Variants in DCX observed in about 807,000 individuals in gnomAD.
The protein encoded by DCX is neuronal migration protein doublecortin.
A neutral mutation model predicts 20.9 loss-of-function variants in DCX; 4 were observed. That is an observed-to-expected ratio of 0.19 (90% confidence interval 0.09 to 0.44). DCX has a LOEUF of 0.44. Among genes scored for constraint, DCX ranks in the 20% least tolerant of loss-of-function variants. The pLI is 0.99. For synonymous variants in DCX, 103 were observed against 111.4 expected, an observed-to-expected ratio of 0.92 and a Z score of 0.47; for missense variants, 133 against 296.9, an observed-to-expected ratio of 0.45 and a Z score of 4.06.
intron 3 of DCX, among the ~76,000 whole-genome samples, chrX:111,385,754 A>G (rs867218166): frequency 1.3e-4 from 11 of 85,770 alleles, no homozygotes; most frequent in Middle Eastern, 6.2e-3. Context: ...AGGGAGAAAG[A>G]GAGAGGGAGG....
At chrX:111,363,200 GA>G (rs1166194170) in intron 3 of DCX, among the ~76,000 whole-genome samples, 1 of 111,055 alleles carries the variant, frequency 9.0e-6, no homozygotes, top group African/African-American at 3.3e-5. Context: ...CTAAGGGACA[GA>G]AAGCCCTGCC....
chrX:111,361,025 C>G (rs776607675), intron 3 of DCX, among the ~76,000 whole-genome samples: 1 of 111,526 alleles, frequency 9.0e-6, no homozygotes, highest in African/African-American at 3.3e-5. Context: ...CCACTAGGTG[C>G]CAGTAGCGAC....
intron 3 of DCX, among the ~76,000 whole-genome samples, chrX:111,349,323 T>C (rs1426549941): frequency 9.0e-6 from 1 of 111,388 alleles, no homozygotes; most frequent in African/African-American, 3.3e-5. Context: ...GTACCCCCCT[T>C]CCCAGGCTTC....
chrX:111,335,928 C>T (rs1439414755), intron 3 of DCX, among the ~76,000 whole-genome samples: 4 of 108,921 alleles, frequency 3.7e-5, no homozygotes, highest in Non-Finnish European at 7.6e-5. Flanking sequence ...CACTCCAGCC[C>T]GGCAACAGAG....
intron 2 of DCX, among the ~76,000 whole-genome samples, chrX:111,409,531 C>A (rs944230676): frequency 8.9e-6 from 1 of 111,849 alleles, no homozygotes; most frequent in Non-Finnish European, 1.9e-5. Context: ...AGCTGAGCCG[C>A]GACCACTTAC....
At chrX:111,409,940 A>G (rs1401326563) in intron 2 of DCX, 95 bp downstream of exon 2, 1 of 1,133,548 alleles carries the variant, frequency 8.8e-7, no homozygotes, top group African/African-American at 1.8e-5. Context: ...TTTGAAAAAT[A>G]CATTGCCTAA....
intron 3 of DCX, among the ~76,000 whole-genome samples, chrX:111,373,390 T>A (rs1160715186): frequency 8.9e-6 from 1 of 112,302 alleles, no homozygotes; most frequent in African/African-American, 3.2e-5. Flanking sequence ...CATCAATAAC[T>A]GGCTCAGTCT....
intron 3 of DCX, among the ~76,000 whole-genome samples, chrX:111,380,802 G>T (rs1925908252): frequency 9.0e-6 from 1 of 110,548 alleles, no homozygotes; most frequent in South Asian, 3.8e-4. Flanking sequence ...TATAATATCA[G>T]CCTGGTTCTC....
Position 111,299,723 on chromosome X carries a change from A to T in DCX, c.*1964T>A, listed in dbSNP as rs1433237671. On this transcript the variant is annotated 3_prime_UTR_variant, in exon 7 of 7. Coordinates refer to ENST00000636035, the MANE Select transcript of DCX (RefSeq NM_001195553.2). ...TTAATGGTTTTGAATGGGTCTACAA[A>T]AAAAGGAGAGGGGGCAAAAAGAGAT... 8.9e-6 allele frequency: 1 copy of T among 111,809 alleles called. No individual in the cohort carries two copies. 9.2% of individuals were successfully genotyped at this position (111,809 alleles called of 1,213,427 possible).
At chrX:111,360,975 C>T (rs770843071) in intron 3 of DCX, among the ~76,000 whole-genome samples, 3 of 111,720 alleles carry the variant, frequency 2.7e-5, no homozygotes, top group Non-Finnish European at 5.6e-5. Flanking sequence ...TTTTGGAGAT[C>T]ACTTTAAGAT....
intron 3 of DCX, among the ~76,000 whole-genome samples, chrX:111,369,849 C>T (rs1377640056): frequency 1.8e-5 from 2 of 111,643 alleles, no homozygotes; most frequent in African/African-American, 6.5e-5. Context: ...TTAGGGTCCA[C>T]AACAGAGTCC....
At chrX:111,384,476 C>G (rs937120621) in intron 3 of DCX, among the ~76,000 whole-genome samples, 1 of 111,345 alleles carries the variant, frequency 9.0e-6, no homozygotes, top group African/African-American at 3.3e-5. Context: ...AGATATAAGA[C>G]TTTACTCTAG....
chrX:111,372,496 G>A (rs1361776651), intron 3 of DCX, among the ~76,000 whole-genome samples: 2 of 111,567 alleles, frequency 1.8e-5, no homozygotes, highest in African/African-American at 3.3e-5. Context: ...CACCCCATTC[G>A]AGGTGGCTGT....
At chrX:111,366,689 T>C (rs1924655824) in intron 3 of DCX, among the ~76,000 whole-genome samples, 1 of 110,937 alleles carries the variant, frequency 9.0e-6, no homozygotes, top group Non-Finnish European at 1.9e-5. Flanking sequence ...CAAGGAGAGG[T>C]CAATGCCAGG....
intron 4 of DCX, 66 bp downstream of exon 4, chrX:111,332,985 A>G (rs1466777733): frequency 1.2e-6 from 1 of 845,287 alleles, no homozygotes; most frequent in Non-Finnish European, 1.8e-6. Context: ...ATACAAACCC[A>G]TGGAAATCCT....
intron 3 of DCX, among the ~76,000 whole-genome samples, chrX:111,371,483 T>TAGGCA (rs922509229): frequency 1.8e-5 from 2 of 111,834 alleles, no homozygotes; most frequent in Non-Finnish European, 3.8e-5. Context: ...AGTGAAACTT[T>TAGGCA]AGGCAAGGTA....
Position 111,297,701 on chromosome X carries a change from G to C in DCX, c.*3986C>G, listed in dbSNP as rs2095024615. On this transcript the variant is annotated 3_prime_UTR_variant, in exon 7 of 7. Coordinates refer to ENST00000636035, the MANE Select transcript of DCX (RefSeq NM_001195553.2). Reference sequence around the variant, plus strand: ...TAATAAATACCCCCTTAGTTCCCAGGAAGAGCCTTGCAGCAAGGAAAACCA... The same window carrying C: ...TAATAAATACCCCCTTAGTTCCCAGCAAGAGCCTTGCAGCAAGGAAAACCA... 1.8e-5 allele frequency: 2 copies of C among 111,521 alleles called. No individual in the cohort carries two copies. The highest frequency in any genetic ancestry group is 6.5e-5 in the African/African-American group (2 of 30,551). The allele number at this position is 111,521 out of a possible 1,213,427, so 9.2% of individuals were successfully genotyped here.
chrX:111,350,225 G>A (rs1302427427), intron 3 of DCX, among the ~76,000 whole-genome samples: 1 of 110,967 alleles, frequency 9.0e-6, no homozygotes, highest in Admixed American at 9.6e-5. Context: ...ACAGAGCAGG[G>A]TGGAATAGAG....
intron 3 of DCX, among the ~76,000 whole-genome samples, chrX:111,384,378 T>A (rs934602255): frequency 1.8e-5 from 2 of 111,460 alleles, no homozygotes; most frequent in Non-Finnish European, 3.8e-5. Context: ...GCATATACCA[T>A]GTTCCAGGCA....
Sources: allele counts gnomAD v4.1 joint callset (sites outside exome capture counted in the v4.1 genomes callset), GRCh38; gene constraint gnomAD v4.1.1; transcripts MANE v1.5; gene names NCBI Gene and HGNC (gene_info 2026-07-23, HGNC 2026-07-21).